ATXN3: variants seen among roughly 807,000 people sequenced by gnomAD.
ATXN3 encodes the protein ataxin-3.
Under a neutral mutation model 58.2 loss-of-function variants are expected in ATXN3, and 28 were observed. The observed-to-expected ratio is 0.48, with a 90% CI of 0.36 to 0.66. The LOEUF (loss-of-function observed/expected upper bound fraction) is 0.66, where lower values mean the gene tolerates loss of function less well. Among genes scored for constraint, ATXN3 ranks in the 30% least tolerant of loss-of-function variants. The pLI is 0.00. For synonymous variants in ATXN3, 113 were observed against 138.5 expected, an observed-to-expected ratio of 0.82 and a Z score of 1.29; for missense variants, 321 against 422.1, an observed-to-expected ratio of 0.76 and a Z score of 2.10.
intron 10 of ATXN3, among the ~76,000 whole-genome samples, chr14:92,065,713 C>G (rs1287380558): frequency 6.6e-6 from 1 of 152,056 alleles, no homozygotes; most frequent in East Asian, 1.9e-4. Flanking sequence ...AACCCCATCT[C>G]TACTAAAAAC....
chr14:92,050,160 G>GT (rs2057443268), upstream of ATXN3, among the ~76,000 whole-genome samples: 1 of 151,890 alleles, frequency 6.6e-6, no homozygotes, highest in African/African-American at 2.4e-5. Flanking sequence ...GTGTGTGTGT[G>GT]TGTGTGTGTG....
intron 10 of ATXN3, among the ~76,000 whole-genome samples, chr14:92,066,917 G>A (rs577084043): frequency 2.0e-5 from 3 of 152,004 alleles, no homozygotes; most frequent in Non-Finnish European, 2.9e-5. Flanking sequence ...TTATAGGTGC[G>A]TGCCACCACA....
At position 92,096,081 on chromosome 14, in the gene ATXN3, G is replaced by A. The variant is rs1414875514; in HGVS notation, c.234+12C>T. 1 of 1,422,496 alleles carries A rather than the reference G, an allele frequency of 7.0e-7. No homozygotes were observed. The highest frequency in any genetic ancestry group is 1.5e-5 in the African/African-American group (1 of 68,258). 88.1% of individuals were successfully genotyped at this position (1,422,496 alleles called of 1,614,324 possible). A position where few individuals can be genotyped will look rare whatever the true frequency, so the allele number is the denominator to read the frequency against. On this transcript the variant is annotated intron_variant, in intron 3 of 10. Transcript: ENST00000644486. ...TGTAAGCAACACATAGTACATGCTT[G>A]TGACTACTTACCTGAATAGAGAAAA...
intron 9 of ATXN3, among the ~76,000 whole-genome samples, chr14:92,071,761 T>C (rs942622542): frequency 6.6e-6 from 1 of 152,208 alleles, no homozygotes; most frequent in Non-Finnish European, 1.5e-5. Context: ...GTTAACATAA[T>C]GTTTCCATGG....
intron 1 of ATXN3, among the ~76,000 whole-genome samples, chr14:92,104,819 A>C (rs1596074010): frequency 6.6e-6 from 1 of 151,518 alleles, no homozygotes; most frequent in Admixed American, 6.6e-5. Flanking sequence ...GCTACTGGGG[A>C]GACTGAGGCA....
chr14:92,045,149 G>C (rs998010751), intron 2 of ATXN3, among the ~76,000 whole-genome samples: 2 of 152,170 alleles, frequency 1.3e-5, no homozygotes, highest in Non-Finnish European at 2.9e-5. Context: ...TTCTGTGAAG[G>C]GCAAGAGGTA....
chr14:92,070,317 C>A (rs56057832), intron 10 of ATXN3, among the ~76,000 whole-genome samples: 1 of 152,284 alleles, frequency 6.6e-6, no homozygotes, highest in South Asian at 2.1e-4. Context: ...TGATGGCTCA[C>A]GCCTGTAATC....
At chr14:92,092,349 A>C (rs1236800751) in intron 5 of ATXN3, among the ~76,000 whole-genome samples, 1 of 152,228 alleles carries the variant, frequency 6.6e-6, no homozygotes, top group Non-Finnish European at 1.5e-5. Flanking sequence ...TCTTTCAAAG[A>C]TTCAAAATTC....
chr14:92,051,423 C>T (rs867533253), upstream of ATXN3, among the ~76,000 whole-genome samples: 3 of 152,122 alleles, frequency 2.0e-5, no homozygotes, highest in Non-Finnish European at 2.9e-5. Flanking sequence ...AGGCTCAGTT[C>T]GCTCTACCCA....
At chr14:92,081,149 GC>G in intron 8 of ATXN3, 88 bp from the exon 9 acceptor site, 1 of 918,106 alleles carries the variant, frequency 1.1e-6, no homozygotes, top group Non-Finnish European at 1.7e-6. Flanking sequence ...ATTTGAGTAA[GC>G]CTTTAAAACG....
chr14:92,059,864 G>T lies in ATXN3; in HGVS notation c.*4456C>A, dbSNP rs1244664885. On this transcript the variant is annotated 3_prime_UTR_variant, in exon 11 of 11. Coordinates refer to ENST00000644486, the MANE Select transcript of ATXN3 (RefSeq NM_004993.6). Reference sequence around the variant, plus strand: ...AAGAAAGAAAGAAAAAGAAAATAGCGGCCCAACGCCTCTTCGTTTCCGGAT... The same window carrying T: ...AAGAAAGAAAGAAAAAGAAAATAGCTGCCCAACGCCTCTTCGTTTCCGGAT... The T allele has an allele frequency of 6.6e-6, 1 of 150,510 alleles. No homozygotes were observed. The highest frequency in any genetic ancestry group is 6.7e-5 in the Admixed American group (1 of 15,030). The allele number at this position is 150,510 out of a possible 1,614,324, so 9.3% of individuals were successfully genotyped here. A position where few individuals can be genotyped will look rare whatever the true frequency, so the allele number is the denominator to read the frequency against.
intron 8 of ATXN3, among the ~76,000 whole-genome samples, chr14:92,081,725 G>A (rs2061519734): frequency 6.6e-6 from 1 of 151,856 alleles, no homozygotes; most frequent in Non-Finnish European, 1.5e-5. Flanking sequence ...AAATACATAT[G>A]AGTTAGAAAA....
intron 6 of ATXN3, among the ~76,000 whole-genome samples, chr14:92,084,574 AT>A (rs200578869): frequency 9.9e-4 from 145 of 147,092 alleles, no homozygotes; most frequent in East Asian, 1.2e-3. Context: ...TCTATCATTA[AT>A]TTTTTTTTTT....
intron 9 of ATXN3, 165 bp from the exon 10 acceptor site, chr14:92,071,218 A>G: frequency 9.2e-7 from 1 of 1,085,576 alleles, no homozygotes; most frequent in South Asian, 1.4e-5. Flanking sequence ...TTACTTTAAA[A>G]TATGGAAGTG....
At chr14:92,078,519 G>A (rs1249740210) in intron 9 of ATXN3, among the ~76,000 whole-genome samples, 4 of 151,468 alleles carry the variant, frequency 2.6e-5, no homozygotes, top group Non-Finnish European at 5.9e-5. Flanking sequence ...GCGCCACCAC[G>A]CCTGGCTAAT....
Position 92,070,697 on chromosome 14 carries a change from T to C in ATXN3, c.991+238A>G. ...ATGTTCTAGCAATCCTCTCCTGCCTTGGTTTCCCAAAGTGCTGGGATTACA... is the reference window on the plus strand; with the variant it reads ...ATGTTCTAGCAATCCTCTCCTGCCTCGGTTTCCCAAAGTGCTGGGATTACA... On this transcript the variant is annotated intron_variant, in intron 10 of 10. Transcript: ENST00000644486. The C allele has an allele frequency of 8.2e-6, 9 of 1,100,520 alleles. No individual in the cohort carries two copies. In the South Asian group the frequency reaches 1.4e-4, roughly 17 times the overall value. 68.2% of individuals were successfully genotyped at this position (1,100,520 alleles called of 1,614,324 possible).
chr14:92,051,638 ATTT>A (rs1224103885), upstream of ATXN3, among the ~76,000 whole-genome samples: 1 of 68,788 alleles, frequency 1.5e-5, no homozygotes, highest in Non-Finnish European at 3.2e-5. Context: ...ATTTATTTTA[ATTT>A]TTTTTTTTTT....
chr14:92,075,427 A>G (rs1473225479), intron 9 of ATXN3, among the ~76,000 whole-genome samples: 1 of 152,192 alleles, frequency 6.6e-6, no homozygotes, highest in Non-Finnish European at 1.5e-5. Flanking sequence ...TTGGCCTCCG[A>G]AAGTGCTGGG....
chr14:92,083,724 TGATTG>T (rs2061883178), intron 6 of ATXN3, among the ~76,000 whole-genome samples: 1 of 152,180 alleles, frequency 6.6e-6, no homozygotes, highest in African/African-American at 2.4e-5. Flanking sequence ...ATTATCAACT[TGATTG>T]GATTGAAGGC....
Sources: gnomAD v4.1 joint callset for allele counts (sites outside exome capture counted in the v4.1 genomes callset) on GRCh38, gnomAD v4.1.1 for gene constraint, MANE v1.5 for transcripts, NCBI Gene and HGNC (gene_info 2026-07-23, HGNC 2026-07-21) for gene names.